FHIT: variants seen among roughly 807,000 people sequenced by gnomAD.
FHIT encodes fragile histidine triad diadenosine triphosphatase.
In FHIT, 19 loss-of-function variants were observed where a neutral mutation model predicts 17.9. That is an observed-to-expected ratio of 1.06 (90% CI 0.74 to 1.56). FHIT has a LOEUF of 1.56. Ranked by LOEUF, FHIT falls within the 40% of genes most tolerant of loss-of-function variation. FHIT has a pLI of 0.00. For synonymous variants in FHIT, 81 were observed against 69.7 expected, an observed-to-expected ratio of 1.16 and a Z score of -0.81; for missense variants, 248 against 189.2, an observed-to-expected ratio of 1.31 and a Z score of -1.82.
chr3:60,518,527 G>A (rs10212340), intron 5 of FHIT, among the ~76,000 whole-genome samples: 18,843 of 152,128 alleles, frequency 0.12, 1,380 homozygotes, highest in Middle Eastern at 0.22. Flanking sequence ...AATAACTTCC[G>A]AATGTTCATC....
At chr3:60,837,351 T>G (rs2736754) in intron 3 of FHIT, among the ~76,000 whole-genome samples, 35,774 of 152,070 alleles carry the variant, frequency 0.24, 4,605 homozygotes, top group Middle Eastern at 0.33. Context: ...ATTGGTAATT[T>G]GTGTCTTTTC....
chr3:60,027,132 C>CAA lies in FHIT; in HGVS notation c.104-12981_104-12980insTT, dbSNP rs1423870480. On this transcript the variant is annotated intron_variant, in intron 5 of 9. Coordinates refer to ENST00000492590, the MANE Select transcript of FHIT (RefSeq NM_002012.4). Reference sequence around the variant, plus strand: ...AGACACACACACACACACACACACACACACACACACACACACAAAATTAGT... The same window carrying CAA: ...AGACACACACACACACACACACACACAAACACACACACACACACAAAATTAGT... 1.1e-3 allele frequency among the ~76,000 whole-genome samples: 133 copies of CAA among 120,314 alleles called. 2 individuals carry two copies. Among genetic ancestry groups the CAA allele is most frequent in the South Asian group, 6.3e-3 (22 of 3,486 alleles). 78.9% of individuals were successfully genotyped at this position (120,314 alleles called of 152,430 possible).
intron 4 of FHIT, among the ~76,000 whole-genome samples, chr3:60,584,825 T>C (rs1240158743): frequency 6.6e-6 from 1 of 152,016 alleles, no homozygotes; most frequent in Non-Finnish European, 1.5e-5. Flanking sequence ...ATCCTTACAA[T>C]GTAATATCTA....
chr3:60,833,318 A>G (rs717291), intron 3 of FHIT, among the ~76,000 whole-genome samples: 149,313 of 152,290 alleles, frequency 0.98, 73,272 homozygotes, highest in East Asian at 1. Flanking sequence ...GGCTATGCGG[A>G]TTGGGCAAGA....
At chr3:59,949,143 C>G (rs947220211) in intron 7 of FHIT, among the ~76,000 whole-genome samples, 6 of 152,172 alleles carry the variant, frequency 3.9e-5, no homozygotes, top group African/African-American at 1.4e-4. Context: ...ACACATATAC[C>G]AGAGTTTTGA....
chr3:60,864,771 T>C (rs948183737), intron 3 of FHIT, among the ~76,000 whole-genome samples: 3 of 152,160 alleles, frequency 2.0e-5, no homozygotes, highest in Admixed American at 2.0e-4. Flanking sequence ...TTTCAGGGGA[T>C]ATTAGTGGAC....
chr3:60,575,997 A>C (rs563431956), intron 4 of FHIT, among the ~76,000 whole-genome samples: 1 of 152,232 alleles, frequency 6.6e-6, no homozygotes, highest in South Asian at 2.1e-4. Flanking sequence ...TCGTCTGGCA[A>C]ATAAAGGAGG....
At chr3:60,723,341 T>C (rs571750839) in intron 4 of FHIT, among the ~76,000 whole-genome samples, 1 of 151,894 alleles carries the variant, frequency 6.6e-6, no homozygotes, top group African/African-American at 2.4e-5. Flanking sequence ...AGCTGGGAAT[T>C]GGAGCTGGTA....
At chr3:60,845,276 G>A (rs1237810058) in intron 3 of FHIT, among the ~76,000 whole-genome samples, 1 of 151,690 alleles carries the variant, frequency 6.6e-6, no homozygotes, top group Non-Finnish European at 1.5e-5. Flanking sequence ...GCAGAATTAT[G>A]TGAACAATAA....
intron 2 of FHIT, among the ~76,000 whole-genome samples, chr3:61,158,410 C>T (rs1294535972): frequency 6.6e-6 from 1 of 152,072 alleles, no homozygotes; most frequent in African/African-American, 2.4e-5. Context: ...CCGCAGGCCA[C>T]CAGAAGCAGA....
chr3:61,047,827 C>T (rs1434321737), intron 2 of FHIT, among the ~76,000 whole-genome samples: 1 of 143,126 alleles, frequency 7.0e-6, no homozygotes, highest in African/African-American at 2.5e-5. Context: ...TACCACACAT[C>T]TACAACCATC....
intron 2 of FHIT, among the ~76,000 whole-genome samples, chr3:61,121,624 C>A (rs1576053077): frequency 6.6e-6 from 1 of 152,296 alleles, no homozygotes. Context: ...TTACCAGGAG[C>A]TACTGCAAAA....
chr3:59,951,330 C>T (rs1367603916), intron 7 of FHIT, among the ~76,000 whole-genome samples: 10 of 152,160 alleles, frequency 6.6e-5, no homozygotes, highest in Non-Finnish European at 4.4e-5. Flanking sequence ...GTAGCCATTG[C>T]TGTTGACTGG....
intron 3 of FHIT, among the ~76,000 whole-genome samples, chr3:60,992,175 T>C (rs544253764): frequency 1.3e-5 from 2 of 152,206 alleles, no homozygotes; most frequent in Non-Finnish European, 2.9e-5. Context: ...CAGGTGAAAC[T>C]AACTGCTGTT....
chr3:59,971,452 G>T (rs959215034), intron 7 of FHIT, among the ~76,000 whole-genome samples: 11 of 152,056 alleles, frequency 7.2e-5, no homozygotes, highest in Non-Finnish European at 1.6e-4. Flanking sequence ...ATTTCAGTAA[G>T]ACACAGCTGA....
At chr3:60,617,657 A>T (rs2038992243) in intron 4 of FHIT, 1 of 153,504 alleles carries the variant, frequency 6.5e-6, no homozygotes, top group South Asian at 2.1e-4. Flanking sequence ...GCCAAAACAA[A>T]CTACACAAAT....
At chr3:60,381,790 C>T (rs1182305514) in intron 5 of FHIT, among the ~76,000 whole-genome samples, 1 of 145,270 alleles carries the variant, frequency 6.9e-6, no homozygotes, top group African/African-American at 2.6e-5. Context: ...AGACTAGAGG[C>T]TTAATAGTGT....
At position 61,022,888 on chromosome 3, in the gene FHIT, C is replaced by A. The variant is rs540430770; in HGVS notation, c.-111+19159G>T. Among the ~76,000 whole-genome samples, 418 of 152,174 alleles carry A rather than the reference C, an allele frequency of 2.7e-3. 3 individuals are homozygous for A. The highest frequency in any genetic ancestry group is 9.7e-3 in the African/African-American group (403 of 41,520). On this transcript the variant is annotated intron_variant, in intron 3 of 9. Transcript: ENST00000492590. ...TTATGACAAACCTACAGCCAATATC[C>A]CACCAAATGAGCAAAAGCTGGAAGC...
At chr3:59,764,863 AACACACACACACACACACAC>A (rs57549363) in intron 8 of FHIT, among the ~76,000 whole-genome samples, 5,022 of 145,760 alleles carry the variant, frequency 0.034, 238 homozygotes, top group African/African-American at 0.099. Context: ...GGCAACTGCA[AACACACACACACACACACAC>A]ACACACACAC....
Sources: allele counts gnomAD v4.1 joint callset (sites outside exome capture counted in the v4.1 genomes callset), GRCh38; gene constraint gnomAD v4.1.1; transcripts MANE v1.5; gene names NCBI Gene and HGNC (gene_info 2026-07-23, HGNC 2026-07-21).